The following GC variants were observed in gnomAD, a reference collection of about 807,000 sequenced individuals.
GC encodes vitamin D-binding protein.
In GC, 43 loss-of-function variants were observed where a neutral mutation model predicts 56.7. That is an observed-to-expected ratio of 0.76 (90% CI 0.59 to 0.98). The LOEUF is 0.98. Ranked by LOEUF, GC falls within the 50% of genes least tolerant of loss-of-function variation. GC has a pLI of 0.00. For missense variants in GC, 529 were observed against 545.9 expected (o/e 0.97, Z 0.31); for synonymous variants, 216 against 202.7 (o/e 1.07, Z -0.56).
At chr4:71,748,996 C>T (rs903012715) in intron 11 of GC, among the ~76,000 whole-genome samples, 2 of 152,002 alleles carry the variant, frequency 1.3e-5, no homozygotes, top group Non-Finnish European at 2.9e-5. Flanking sequence ...GGGACATTCA[C>T]GTTAGGCATT....
chr4:71,767,715 G>A (rs939940791), intron 3 of GC, among the ~76,000 whole-genome samples: 1 of 151,150 alleles, frequency 6.6e-6, no homozygotes, highest in Admixed American at 6.6e-5. Context: ...TTGGTTACAT[G>A]GCTAAGTTCT....
In GC at chr4:71,763,838, G is replaced by C; in HGVS notation, c.572C>G (p.Thr191Ser). 6.2e-7 allele frequency: 1 copy of C among 1,612,792 alleles called. No individual in the cohort carries two copies. Among genetic ancestry groups the C allele is most frequent in the Non-Finnish European group, 8.5e-7 (1 of 1,178,866 alleles). The change falls in exon 5 of 13, where the codon ACC (threonine) becomes AGC (serine). Residue 191 changes from threonine (T) to serine (S), a missense_variant. Physicochemically the swap from Thr to Ser is moderately conservative, Grantham distance 58. Coordinates refer to ENST00000273951, the MANE Select transcript of GC (RefSeq NM_000583.4). ...SYLSMVGSCCTSASPTVCFLK... is the reference protein window; with the variant it reads ...SYLSMVGSCCSSASPTVCFLK... ...AAAGCATACAGTTGGGCTTGCAGAG[G>C]TACAGCAGGACCCTACCATAGAAAG... is the stretch of plus-strand genomic sequence containing the variant.
intron 1 of GC, among the ~76,000 whole-genome samples, chr4:71,779,266 A>G (rs954450941): frequency 6.6e-6 from 1 of 151,916 alleles, no homozygotes; most frequent in Non-Finnish European, 1.5e-5. Flanking sequence ...CAAATGAACA[A>G]CCAGTGATAA....
intron 11 of GC, among the ~76,000 whole-genome samples, chr4:71,748,221 A>G (rs546435352): frequency 5.3e-5 from 8 of 152,292 alleles, no homozygotes; most frequent in Non-Finnish European, 7.4e-5. Context: ...ACAAATAGCA[A>G]TGGCTTAATC....
intron 6 of GC, among the ~76,000 whole-genome samples, chr4:71,761,061 G>A (rs146744930): frequency 6.6e-6 from 1 of 152,288 alleles, no homozygotes; most frequent in African/African-American, 2.4e-5. Context: ...AACAGGCAGA[G>A]GTTGGAACAG....
chr4:71,797,479 C>T (rs900280640), intron 1 of GC, among the ~76,000 whole-genome samples: 2 of 152,248 alleles, frequency 1.3e-5, no homozygotes, highest in African/African-American at 4.8e-5. Context: ...GCTCCATGGG[C>T]ATGGGACCTG....
chr4:71,791,672 T>C (rs1430428216), intron 1 of GC, among the ~76,000 whole-genome samples: 4 of 149,132 alleles, frequency 2.7e-5, no homozygotes, highest in Non-Finnish European at 4.5e-5. Flanking sequence ...AAGTATTTCT[T>C]TTTTTTTTTA....
intron 7 of GC, 34 bp from the exon 8 acceptor site, chr4:71,756,948 G>A (rs765455970): frequency 2.9e-6 from 4 of 1,373,012 alleles, no homozygotes; most frequent in Non-Finnish European, 4.2e-6. Flanking sequence ...TGCATTGTTA[G>A]TTTCCTGATA....
At position 71,792,644 on chromosome 4, in the gene GC, TG is replaced by T. The variant is rs201097217; in HGVS notation, c.22-8591del. On this transcript the variant is annotated intron_variant, in intron 1 of 13. Coordinates refer to the GC transcript ENST00000504199. The stretch of plus-strand genomic sequence containing the variant: ...ATTCTGATGGTAGTTTCTTTTGCTG[TG>T]CAGAAGCTCTTTAATTTAATTGGAT... Among the ~76,000 whole-genome samples the T allele has an allele frequency of 3.3e-3, 496 of 152,340 alleles. 3 individuals are homozygous for T. Among genetic ancestry groups the T allele is most frequent in the African/African-American group, 0.011 (449 of 41,584 alleles).
chr4:71,783,638 C>G (rs1393302333), intron 1 of GC, among the ~76,000 whole-genome samples: 1 of 151,690 alleles, frequency 6.6e-6, no homozygotes, highest in African/African-American at 2.4e-5. Context: ...TTTGCATTAT[C>G]TTGTAACAAT....
At chr4:71,788,848 A>G (rs902256008), upstream of GC, among the ~76,000 whole-genome samples, 13 of 151,974 alleles carry the variant, frequency 8.6e-5, no homozygotes, top group Non-Finnish European at 1.3e-4. Context: ...GCAGAATGCC[A>G]TAATAATCAC....
intron 11 of GC, among the ~76,000 whole-genome samples, chr4:71,747,844 G>T (rs1050961855): frequency 1.3e-5 from 2 of 152,096 alleles, no homozygotes; most frequent in African/African-American, 4.8e-5. Context: ...TGACACAAAA[G>T]AAGAGAGTAT....
intron 11 of GC, among the ~76,000 whole-genome samples, chr4:71,747,062 G>A (rs1408802125): frequency 1.3e-5 from 2 of 152,110 alleles, no homozygotes; most frequent in African/African-American, 4.8e-5. Flanking sequence ...ATTTTATTTG[G>A]TGCATATGGA....
intron 1 of GC, among the ~76,000 whole-genome samples, chr4:71,778,039 T>C (rs1351616004): frequency 7.5e-5 from 11 of 147,382 alleles, no homozygotes; most frequent in African/African-American, 2.9e-4. Context: ...TTTATATATA[T>C]ATAAAAAAAA....
intron 8 of GC, among the ~76,000 whole-genome samples, 184 bp downstream of exon 8, chr4:71,756,527 GT>G (rs1401272707): frequency 2.0e-5 from 3 of 152,128 alleles, no homozygotes. Context: ...CGATTATGGT[GT>G]TTTAAAAATT....
chr4:71,755,365 G>T (rs1440044136), intron 8 of GC, among the ~76,000 whole-genome samples: 1 of 151,990 alleles, frequency 6.6e-6, no homozygotes, highest in African/African-American at 2.4e-5. Flanking sequence ...GTTTCACCAT[G>T]TTGGCTAGGG....
intron 1 of GC, among the ~76,000 whole-genome samples, chr4:71,775,133 T>C (rs1043525108): frequency 1.3e-5 from 2 of 151,536 alleles, no homozygotes; most frequent in Non-Finnish European, 1.5e-5. Flanking sequence ...TTGGTCTTAG[T>C]AGTGACAGAG....
At chr4:71,798,205 A>T (rs997447891) in intron 1 of GC, among the ~76,000 whole-genome samples, 1 of 152,160 alleles carries the variant, frequency 6.6e-6, no homozygotes, top group Admixed American at 6.5e-5. Context: ...CTATCTATTC[A>T]CTTGACTATA....
chr4:71,789,153 GAGAAA>G (rs72069783), intron 1 of GC, among the ~76,000 whole-genome samples: 18,028 of 151,518 alleles, frequency 0.12, 1,453 homozygotes, highest in African/African-American at 0.23. Flanking sequence ...TGAGAGAATC[GAGAAA>G]AGAAGAGAAT....
Sources: gnomAD v4.1 joint callset for allele counts (sites outside exome capture counted in the v4.1 genomes callset) on GRCh38, gnomAD v4.1.1 for gene constraint, MANE v1.5 for transcripts, NCBI Gene and HGNC (gene_info 2026-07-23, HGNC 2026-07-21) for gene names.